The following CLIP2 variants were observed in gnomAD, a reference collection of about 807,000 sequenced individuals.
CLIP2 encodes CAP-Gly domain containing linker protein 2, also known as CAP-Gly domain-containing linker protein 2.
CLIP2 carries 41 observed loss-of-function variants against 111.7 expected under a neutral mutation model. That is an observed-to-expected ratio of 0.37 (90% CI 0.29 to 0.48). The LOEUF is 0.48. Among genes scored for constraint, CLIP2 ranks in the 20% least tolerant of loss-of-function variants. CLIP2 has a pLI of 0.99. For synonymous variants in CLIP2, 660 were observed against 644.2 expected, an observed-to-expected ratio of 1.02 and a Z score of -0.37; for missense variants, 1,160 against 1,422.1, an observed-to-expected ratio of 0.82 and a Z score of 2.96.
Position 74,401,566 on chromosome 7 carries a change from A to C in CLIP2, c.3128A>C (p.Glu1043Ala). The C allele has an allele frequency of 6.2e-7, 1 of 1,613,858 alleles. No homozygotes were observed. The part of the protein sequence containing the change: ...IHQQDKAQKQ[E>A]DKH ...CAGCAGGACAAAGCTCAGAAACAAG[A>C]GGTGAGGGGCGCCTCGGGCCTCCCA... Residue 1043 changes from glutamate to alanine, a missense_variant and splice_region_variant, in exon 16 of 17, where the codon GAG becomes GCG. By Grantham distance (107) the Glu-to-Ala change is moderately radical. This residue lies in a region of CLIP2 where 676 missense variants were observed against 777.8 expected (regional missense o/e 0.87). Coordinates refer to ENST00000223398, the MANE Select transcript of CLIP2 (RefSeq NM_003388.5).
intron 2 of CLIP2, among the ~76,000 whole-genome samples, chr7:74,322,578 AAAAC>A (rs782088984): frequency 4.6e-5 from 7 of 152,088 alleles, no homozygotes; most frequent in Admixed American, 6.6e-5. Flanking sequence ...TCCGTCTCAA[AAAAC>A]AAACAGACAG....
chr7:74,323,605 T>G (rs1477865655), intron 2 of CLIP2, among the ~76,000 whole-genome samples: 1 of 152,002 alleles, frequency 6.6e-6, no homozygotes, highest in Non-Finnish European at 1.5e-5. Context: ...TTTTGTATTT[T>G]TAGTAGAGAT....
chr7:74,335,977 C>G (rs1789442193), intron 2 of CLIP2, among the ~76,000 whole-genome samples: 1 of 144,788 alleles, frequency 6.9e-6, no homozygotes, highest in African/African-American at 2.5e-5. Flanking sequence ...CTCCTGACCT[C>G]GTGATCCGCC....
chr7:74,302,307 C>A (rs1554726974), intron 1 of CLIP2, among the ~76,000 whole-genome samples: 2 of 152,072 alleles, frequency 1.3e-5, no homozygotes, highest in African/African-American at 4.8e-5. Context: ...CCTCCGCCTC[C>A]CTGGTTCAAG....
intron 13 of CLIP2, among the ~76,000 whole-genome samples, chr7:74,394,260 T>C (rs1378727070): frequency 1.4e-5 from 2 of 148,084 alleles, no homozygotes; most frequent in Non-Finnish European, 1.5e-5. Flanking sequence ...TTTTTTTTTT[T>C]TTTTTTTGAG....
At chr7:74,355,470 C>T (rs113988758) in intron 4 of CLIP2, among the ~76,000 whole-genome samples, 2 of 152,070 alleles carry the variant, frequency 1.3e-5, no homozygotes, top group African/African-American at 4.8e-5. Flanking sequence ...ATTAGCTGGG[C>T]GTAGTAGCAC....
rs138578316 is a variant in CLIP2 at position 74,386,071 on chromosome 7, C to T, written c.2480-450C>T. On this transcript the variant is annotated intron_variant, in intron 11 of 16. Transcript: ENST00000223398. Reference sequence around the variant, plus strand: ...TTTTTTTTTTTTTTCTTTTTGAGACCGAGTCTCGCTGTGTCGCCCAGGCTG... The same window carrying T: ...TTTTTTTTTTTTTTCTTTTTGAGACTGAGTCTCGCTGTGTCGCCCAGGCTG... Among the ~76,000 whole-genome samples the T allele has an allele frequency of 7.7e-3, 976 of 126,930 alleles. 33 individuals carry two copies. The highest frequency in any genetic ancestry group is 0.058 in the Admixed American group (695 of 11,898). 83.3% of individuals were successfully genotyped at this position (126,930 alleles called of 152,430 possible).
intron 2 of CLIP2, among the ~76,000 whole-genome samples, chr7:74,319,165 G>A (rs998890276): frequency 6.6e-5 from 10 of 152,118 alleles, no homozygotes; most frequent in South Asian, 2.1e-4. Flanking sequence ...GGTGTTCCAC[G>A]TGGAGGGAAT....
intron 3 of CLIP2, among the ~76,000 whole-genome samples, chr7:74,348,849 A>G (rs1789889536): frequency 6.6e-6 from 1 of 151,934 alleles, no homozygotes; most frequent in Non-Finnish European, 1.5e-5. Context: ...TGTTCACACA[A>G]AAACTTGTAC....
Position 74,397,657 on chromosome 7 carries a change from G to GTTTTTTTTTTTTTTTTTTTTTTT in CLIP2, c.2880+432_2880+433insTTTTTTTTTTTTTTTTTTTTTTT, listed in dbSNP as rs1221589920. On this transcript the variant is annotated intron_variant, in intron 14 of 16. Transcript: ENST00000223398. The stretch of plus-strand genomic sequence containing the variant: ...CAAGCCTGGGATTCTGGGTGGCTGA[G>GTTTTTTTTTTTTTTTTTTTTTTT]TTTTTTTTGTTTTTTTTTTTTTTTT... Among the ~76,000 whole-genome samples, 2 of 113,418 alleles carry GTTTTTTTTTTTTTTTTTTTTTTT rather than the reference G, an allele frequency of 1.8e-5. 1 individual carries two copies. The highest frequency in any genetic ancestry group is 3.5e-5 in the Non-Finnish European group (2 of 57,536). 74.4% of individuals were successfully genotyped at this position (113,418 alleles called of 152,430 possible). A position where few individuals can be genotyped will look rare whatever the true frequency, so the allele number is the denominator to read the frequency against.
At chr7:74,378,105 C>T (rs1202934405) in intron 10 of CLIP2, among the ~76,000 whole-genome samples, 5 of 138,706 alleles carry the variant, frequency 3.6e-5, no homozygotes, top group Admixed American at 2.9e-4. Flanking sequence ...GGATTACAGG[C>T]GTGAGGCACC....
At position 74,360,293 on chromosome 7, in the gene CLIP2, A is replaced by G. The variant is rs782561226; in HGVS notation, c.1319+15A>G. The G allele has an allele frequency of 1.3e-6, 2 of 1,568,138 alleles. No homozygotes were observed. Among genetic ancestry groups the G allele is most frequent in the Middle Eastern group, 3.4e-4 (2 of 5,966 alleles). ...GAGGAGAGGAGGTACGTGCTGGCCC[A>G]CCCTCGCCCTGGCCCTGAGTCCCCT... is the stretch of plus-strand genomic sequence containing the variant. On this transcript the variant is annotated intron_variant, in intron 7 of 16. Coordinates refer to ENST00000223398, the MANE Select transcript of CLIP2 (RefSeq NM_003388.5).
At chr7:74,371,427 G>A (rs1790616924) in intron 8 of CLIP2, among the ~76,000 whole-genome samples, 1 of 151,364 alleles carries the variant, frequency 6.6e-6, no homozygotes, top group African/African-American at 2.4e-5. Flanking sequence ...CACCGACGGG[G>A]ATAGGGGTGG....
intron 13 of CLIP2, among the ~76,000 whole-genome samples, chr7:74,391,545 C>T (rs889541657): frequency 2.0e-5 from 3 of 152,086 alleles, no homozygotes; most frequent in Non-Finnish European, 2.9e-5. Flanking sequence ...TGGGGCCAGG[C>T]GCAGTGCTTC....
chr7:74,361,199 C>CCTTCCTTCCTTCCTTCCTTCCTTCCTTA, intron 7 of CLIP2, among the ~76,000 whole-genome samples: 1 of 121,580 alleles, frequency 8.2e-6, no homozygotes, highest in Non-Finnish European at 1.7e-5. Context: ...TTCCTTCCTT[C>CCTTCCTTCCTTCCTTCCTTCCTTCCTTA]CTTCCTTCCC....
At chr7:74,364,166 T>C (rs1790411161) in intron 7 of CLIP2, 89 bp from the exon 8 acceptor site, 1 of 1,222,674 alleles carries the variant, frequency 8.2e-7, no homozygotes, top group African/African-American at 1.5e-5. Context: ...GCCATTCTCA[T>C]GGCCTTGCCT....
chr7:74,315,531 T>C (rs1337155657), intron 1 of CLIP2, among the ~76,000 whole-genome samples: 1 of 151,924 alleles, frequency 6.6e-6, no homozygotes, highest in Non-Finnish European at 1.5e-5. Flanking sequence ...AGACATGAGC[T>C]ACCACACCTG....
chr7:74,370,448 T>C (rs1584368700), intron 8 of CLIP2, among the ~76,000 whole-genome samples: 2 of 145,576 alleles, frequency 1.4e-5, no homozygotes, highest in African/African-American at 2.5e-5. Context: ...AGAGCGAGAC[T>C]CCGTCTCAAA....
intron 2 of CLIP2, among the ~76,000 whole-genome samples, chr7:74,336,954 C>T (rs1220848524): frequency 6.8e-6 from 1 of 147,260 alleles, no homozygotes; most frequent in Non-Finnish European, 1.5e-5. Flanking sequence ...GGTGCTGTCT[C>T]GGCTCACTGT....
Sources: gnomAD v4.1 joint callset for allele counts (sites outside exome capture counted in the v4.1 genomes callset) on GRCh38, gnomAD v4.1.1 for gene constraint, gnomAD v4.1.1 regional missense constraint, MANE v1.5 for transcripts, NCBI Gene and HGNC (gene_info 2026-07-23, HGNC 2026-07-21) for gene names.